Variants in NEDD4L observed in about 807,000 individuals in gnomAD.
NEDD4L encodes NEDD4 like E3 ubiquitin protein ligase.
Under a neutral mutation model 148.9 loss-of-function variants are expected in NEDD4L, and 54 were observed. The observed-to-expected ratio is 0.36, with a 90% confidence interval of 0.29 to 0.45. NEDD4L has a LOEUF of 0.45. Among genes scored for constraint, NEDD4L ranks in the 20% least tolerant of loss-of-function variants. NEDD4L has a pLI of 1.00. For missense variants in NEDD4L, 856 were observed against 1,233.8 expected, an observed-to-expected ratio of 0.69 and a Z score of 4.59; for synonymous variants, 433 against 440.7, an observed-to-expected ratio of 0.98 and a Z score of 0.22.
At chr18:58,257,320 G>A (rs1321010181) in intron 5 of NEDD4L, among the ~76,000 whole-genome samples, 1 of 152,104 alleles carries the variant, frequency 6.6e-6, no homozygotes, top group Non-Finnish European at 1.5e-5. Context: ...GGTCAGGTCA[G>A]TCGTTGTTAT....
Position 58,366,349 on chromosome 18 carries a change from C to T in NEDD4L, c.2063+121C>T. 1.5e-6 allele frequency: 1 copy of T among 657,410 alleles called. No homozygotes were observed. Among genetic ancestry groups the T allele is most frequent in the Non-Finnish European group, 2.5e-6 (1 of 398,644 alleles). The allele number at this position is 657,410 out of a possible 1,614,324, so 40.7% of individuals were successfully genotyped here. The stretch of plus-strand genomic sequence containing the variant: ...GCATTAACTCTGCTGAGTTTGTTCT[C>T]TCCTCACCCCACAGCCCCTTGCAAG... On this transcript the variant is annotated intron_variant, in intron 21 of 30. Transcript: ENST00000400345. This position sits in a 1 kb window ranked among gnomAD's most constrained non-coding sequence, Gnocchi z 4.2.
intron 2 of NEDD4L, among the ~76,000 whole-genome samples, chr18:58,169,395 G>A (rs1362196710): frequency 2.0e-5 from 3 of 152,134 alleles, no homozygotes; most frequent in Admixed American, 6.5e-5. Context: ...AAACTGGGAC[G>A]CTTTTGTCTG....
intron 18 of NEDD4L, among the ~76,000 whole-genome samples, chr18:58,352,316 T>C (rs145550691): frequency 5.7e-4 from 87 of 152,336 alleles, no homozygotes; most frequent in African/African-American, 2.0e-3. Flanking sequence ...GAGAATTTAC[T>C]AAAATGAGAG....
intron 19 of NEDD4L, among the ~76,000 whole-genome samples, chr18:58,363,487 C>T (rs1285625387): frequency 2.0e-5 from 3 of 152,204 alleles, no homozygotes; most frequent in African/African-American, 2.4e-5. Context: ...GTAGCCAAAA[C>T]TCACGGCCCT....
At chr18:58,381,126 C>T (rs1434840364) in intron 24 of NEDD4L, among the ~76,000 whole-genome samples, 1 of 151,866 alleles carries the variant, frequency 6.6e-6, no homozygotes, top group African/African-American at 2.4e-5. Context: ...AATTTTTTTC[C>T]ATTGCTATAA....
intron 1 of NEDD4L, among the ~76,000 whole-genome samples, chr18:58,132,711 C>T (rs1006109708): frequency 1.6e-4 from 24 of 152,190 alleles, no homozygotes; most frequent in Admixed American, 1.4e-3. Context: ...CTTAGTGGGC[C>T]TTGGACCTGC....
At chr18:58,374,928 C>T (rs527837358) in intron 24 of NEDD4L, among the ~76,000 whole-genome samples, 39 of 152,256 alleles carry the variant, frequency 2.6e-4, no homozygotes, top group Admixed American at 2.0e-3. Flanking sequence ...TATCTCAGGC[C>T]GGCGTCTGCC....
chr18:58,382,107 G>A (rs557976773), intron 24 of NEDD4L, among the ~76,000 whole-genome samples: 1 of 152,348 alleles, frequency 6.6e-6, no homozygotes, highest in African/African-American at 2.4e-5. Context: ...AGAGAATGTC[G>A]AGGGACCGGA....
intron 1 of NEDD4L, among the ~76,000 whole-genome samples, chr18:58,103,079 A>G (rs1187635697): frequency 1.3e-5 from 2 of 151,910 alleles, no homozygotes; most frequent in Non-Finnish European, 2.9e-5. Flanking sequence ...TTTGGTGTCG[A>G]TACTCCCAGA....
chr18:58,199,371 G>A (rs1312716886), intron 2 of NEDD4L, among the ~76,000 whole-genome samples: 3 of 152,110 alleles, frequency 2.0e-5, no homozygotes, highest in African/African-American at 4.8e-5. Context: ...GGAGTGGGGT[G>A]TGAAGCTGGC....
intron 19 of NEDD4L, among the ~76,000 whole-genome samples, chr18:58,362,852 T>C (rs989608968): frequency 6.6e-6 from 1 of 152,242 alleles, no homozygotes; most frequent in Non-Finnish European, 1.5e-5. Context: ...CTTTATTGGC[T>C]TATGTCAGAA....
intron 1 of NEDD4L, among the ~76,000 whole-genome samples, chr18:58,096,347 ATTTATTTTATTTTAT>A (rs149430952): frequency 0.13 from 15,359 of 115,992 alleles, 1,462 homozygotes; most frequent in African/African-American, 0.27. Context: ...ATTTTATTTT[ATTTATTTTATTTTAT>A]TTTATTTTAT....
intron 1 of NEDD4L, among the ~76,000 whole-genome samples, chr18:58,108,910 C>CA (rs1337085779): frequency 6.6e-6 from 1 of 152,208 alleles, no homozygotes; most frequent in African/African-American, 2.4e-5. Flanking sequence ...ATTGGATTGC[C>CA]ACATGCAGTA....
intron 18 of NEDD4L, among the ~76,000 whole-genome samples, chr18:58,352,467 C>A (rs2044019190): frequency 6.6e-6 from 1 of 151,988 alleles, no homozygotes; most frequent in South Asian, 2.1e-4. Context: ...TTAGCCTGGC[C>A]AACGTGATGA....
At chr18:58,134,964 G>A (rs2032662918) in intron 1 of NEDD4L, among the ~76,000 whole-genome samples, 1 of 151,870 alleles carries the variant, frequency 6.6e-6, no homozygotes, top group South Asian at 2.1e-4. Flanking sequence ...GGAAAGCGAA[G>A]GAACATTCTA....
intron 23 of NEDD4L, among the ~76,000 whole-genome samples, chr18:58,370,958 G>C (rs1316683161): frequency 6.6e-6 from 1 of 152,220 alleles, no homozygotes; most frequent in African/African-American, 2.4e-5. Flanking sequence ...CGTTCTCCAA[G>C]TAGTGATTTG....
At chr18:58,292,200 C>G (rs1272383597) in intron 5 of NEDD4L, among the ~76,000 whole-genome samples, 2 of 144,260 alleles carry the variant, frequency 1.4e-5, no homozygotes, top group Non-Finnish European at 3.0e-5. Context: ...CCGCAAGTTC[C>G]CACGCAAGGC....
intron 1 of NEDD4L, among the ~76,000 whole-genome samples, chr18:58,097,153 A>G (rs1176892877): frequency 6.6e-6 from 1 of 152,248 alleles, no homozygotes; most frequent in Non-Finnish European, 1.5e-5. Context: ...CGCAAGACTT[A>G]TGACACAGCC....
chr18:58,122,372 C>T (rs369795919), intron 1 of NEDD4L, among the ~76,000 whole-genome samples: 2 of 152,178 alleles, frequency 1.3e-5, no homozygotes, highest in African/African-American at 2.4e-5. Context: ...TGGTGGCGGG[C>T]GCCTGTAATT....
Sources: allele counts gnomAD v4.1 joint callset (sites outside exome capture counted in the v4.1 genomes callset), GRCh38; gene constraint gnomAD v4.1.1; non-coding constraint Gnocchi (gnomAD v3.1); transcripts MANE v1.5; gene names NCBI Gene and HGNC (gene_info 2026-07-23, HGNC 2026-07-21).